SLC39A11: variants seen among roughly 807,000 people sequenced by gnomAD.
SLC39A11 encodes the protein zinc transporter ZIP11.
SLC39A11 carries 33 observed loss-of-function variants against 36.1 expected under a neutral mutation model. That is an observed-to-expected ratio of 0.91 (90% confidence interval 0.69 to 1.22). The LOEUF is 1.22. SLC39A11 is among the 50% of genes most tolerant of loss of function. SLC39A11 has a pLI of 0.00. For missense variants in SLC39A11, 432 were observed against 430.3 expected, an observed-to-expected ratio of 1.00 and a Z score of -0.03; for synonymous variants, 166 against 170.3, an observed-to-expected ratio of 0.97 and a Z score of 0.20.
At chr17:72,963,053 T>A (rs188162631) in intron 4 of SLC39A11, among the ~76,000 whole-genome samples, 6 of 152,148 alleles carry the variant, frequency 3.9e-5, no homozygotes, top group Admixed American at 3.9e-4. Context: ...TCCCTTTCCA[T>A]GGAGTCAAGT....
intron 3 of SLC39A11, among the ~76,000 whole-genome samples, chr17:73,035,792 AG>A (rs2058889515): frequency 7.6e-6 from 1 of 132,014 alleles, no homozygotes. Flanking sequence ...TGAACCCAGG[AG>A]GCGGAGGTTG....
chr17:72,855,973 G>A (rs2079623461), intron 5 of SLC39A11, among the ~76,000 whole-genome samples: 1 of 151,324 alleles, frequency 6.6e-6, no homozygotes, highest in Non-Finnish European at 1.5e-5. Flanking sequence ...AATCAGTCTA[G>A]TTTCAGGTAA....
intron 4 of SLC39A11, among the ~76,000 whole-genome samples, chr17:72,961,895 A>G (rs1321006800): frequency 6.6e-6 from 1 of 152,220 alleles, no homozygotes; most frequent in Non-Finnish European, 1.5e-5. Flanking sequence ...AATAAGAAAA[A>G]AAAGAAAGAA....
At chr17:72,777,454 G>GA (rs2076172531) in intron 6 of SLC39A11, among the ~76,000 whole-genome samples, 1 of 152,150 alleles carries the variant, frequency 6.6e-6, no homozygotes, top group Non-Finnish European at 1.5e-5. Context: ...GGTCATACTG[G>GA]ATTAGGGTGG....
intron 7 of SLC39A11, among the ~76,000 whole-genome samples, chr17:72,678,180 G>A (rs765466282): frequency 3.3e-4 from 50 of 152,276 alleles, no homozygotes; most frequent in Middle Eastern, 3.4e-3. Context: ...TGCCCGTTCC[G>A]CTCACAAAAG....
chr17:72,673,025 A>G (rs1255264953), intron 7 of SLC39A11, among the ~76,000 whole-genome samples: 1 of 152,158 alleles, frequency 6.6e-6, no homozygotes, highest in Non-Finnish European at 1.5e-5. Context: ...ATGGCCCACA[A>G]AGCTGAAGAT....
intron 4 of SLC39A11, among the ~76,000 whole-genome samples, chr17:73,014,443 G>A (rs1274630933): frequency 6.6e-6 from 1 of 152,164 alleles, no homozygotes; most frequent in Non-Finnish European, 1.5e-5. Flanking sequence ...AACTGCTTGA[G>A]TCCAGGAGCT....
chr17:72,812,013 C>A (rs1220736140), intron 6 of SLC39A11, among the ~76,000 whole-genome samples: 1 of 152,168 alleles, frequency 6.6e-6, no homozygotes, highest in Non-Finnish European at 1.5e-5. Context: ...AGCTGTGTAA[C>A]AATACAAGGC....
intron 4 of SLC39A11, among the ~76,000 whole-genome samples, chr17:73,008,491 G>A (rs2090321722): frequency 1.3e-5 from 2 of 152,176 alleles, no homozygotes; most frequent in Non-Finnish European, 1.5e-5. Flanking sequence ...TCACACATGT[G>A]GCTCCAGCAA....
At chr17:72,687,250 A>G (rs1413719311) in intron 7 of SLC39A11, among the ~76,000 whole-genome samples, 1 of 148,750 alleles carries the variant, frequency 6.7e-6, no homozygotes, top group Non-Finnish European at 1.5e-5. Context: ...AGGCTGGCAA[A>G]CTCTTGGGTA....
At chr17:72,866,019 G>A (rs2080283952) in intron 5 of SLC39A11, among the ~76,000 whole-genome samples, 1 of 152,154 alleles carries the variant, frequency 6.6e-6, no homozygotes. Flanking sequence ...TTAAAGCAGG[G>A]GTCCCCAATA....
intron 3 of SLC39A11, among the ~76,000 whole-genome samples, chr17:73,074,356 G>C (rs998378384): frequency 2.8e-5 from 4 of 142,554 alleles, no homozygotes; most frequent in African/African-American, 1.1e-4. Context: ...GGAGTGCAGT[G>C]GTGCAATCTT....
intron 7 of SLC39A11, among the ~76,000 whole-genome samples, chr17:72,673,114 G>A (rs1432352379): frequency 6.6e-6 from 1 of 151,832 alleles, no homozygotes; most frequent in Non-Finnish European, 1.5e-5. Flanking sequence ...TTGTTGTTGT[G>A]GTTTTTGAGA....
intron 7 of SLC39A11, among the ~76,000 whole-genome samples, chr17:72,726,446 G>A (rs549757051): frequency 3.9e-5 from 6 of 152,250 alleles, no homozygotes; most frequent in African/African-American, 1.4e-4. Context: ...AGGAGGTCAA[G>A]GCTGCAGCAA....
chr17:72,957,529 A>G (rs1365500065), intron 4 of SLC39A11, among the ~76,000 whole-genome samples: 1 of 152,182 alleles, frequency 6.6e-6, no homozygotes, highest in Non-Finnish European at 1.5e-5. Flanking sequence ...CAGATTTTTT[A>G]AAATTTCGGC....
intron 6 of SLC39A11, among the ~76,000 whole-genome samples, chr17:72,830,645 C>T (rs552766087): frequency 6.6e-6 from 1 of 152,208 alleles, no homozygotes; most frequent in South Asian, 2.1e-4. Context: ...AGGCAAAACC[C>T]AGTGCTTATC....
intron 7 of SLC39A11, among the ~76,000 whole-genome samples, chr17:72,725,236 C>T (rs1270100296): frequency 1.3e-5 from 2 of 152,192 alleles, no homozygotes; most frequent in Non-Finnish European, 2.9e-5. Flanking sequence ...GAGGACTTTT[C>T]GCACCTCTAT....
chr17:72,967,017 T>C (rs2087037224), intron 4 of SLC39A11, among the ~76,000 whole-genome samples: 1 of 152,178 alleles, frequency 6.6e-6, no homozygotes, highest in African/African-American at 2.4e-5. Context: ...GCGCGTTCCT[T>C]ATGAGAATCT....
intron 7 of SLC39A11, among the ~76,000 whole-genome samples, chr17:72,713,519 G>GT (rs2073203895): frequency 6.6e-6 from 1 of 152,102 alleles, no homozygotes; most frequent in South Asian, 2.1e-4. Flanking sequence ...AACCCGAAGG[G>GT]TTCTCATACA....
Sources: gnomAD v4.1 joint callset for allele counts (sites outside exome capture counted in the v4.1 genomes callset) on GRCh38, gnomAD v4.1.1 for gene constraint, MANE v1.5 for transcripts, NCBI Gene and HGNC (gene_info 2026-07-23, HGNC 2026-07-21) for gene names.